Variants in IQSEC1 observed in about 807,000 individuals in gnomAD.
IQSEC1 encodes IQ motif and Sec7 domain ArfGEF 1.
A neutral mutation model predicts 91.0 loss-of-function variants in IQSEC1; 31 were observed. The ratio of observed to expected loss-of-function variants is 0.34; its 90% CI spans 0.26 to 0.46. IQSEC1 has a LOEUF of 0.46. IQSEC1 is among the 20% of genes least tolerant of loss of function. IQSEC1 has a pLI of 1.00. For missense variants in IQSEC1, 1,388 were observed against 1,575.6 expected, an observed-to-expected ratio of 0.88 and a Z score of 2.02; for synonymous variants, 699 against 662.6, an observed-to-expected ratio of 1.05 and a Z score of -0.84.
chr3:13,125,621 C>A (rs1706500483), intron 2 of IQSEC1, among the ~76,000 whole-genome samples: 1 of 152,218 alleles, frequency 6.6e-6, no homozygotes, highest in Admixed American at 6.5e-5. Flanking sequence ...TGTCCTTGTC[C>A]CTGGACAGCC....
rs992576324 is a variant in IQSEC1, at chr3:12,898,087, T to G, written c.*2896A>C. 4 of 152,244 alleles carry G rather than the reference T, an allele frequency of 2.6e-5. No homozygotes were observed. Among genetic ancestry groups the G allele is most frequent in the African/African-American group, 9.6e-5 (4 of 41,452 alleles). The allele number at this position is 152,244 out of a possible 1,614,324, so 9.4% of individuals were successfully genotyped here. On this transcript the variant is annotated 3_prime_UTR_variant, in exon 14 of 14. Transcript: ENST00000613206. ...TGAGAAAGGTGTGCCAAGGGCGTCC[T>G]CACAGTGAGAAGGGACCAGGCAGAC...
chr3:13,165,109 T>G (rs1693461430), intron 1 of IQSEC1, among the ~76,000 whole-genome samples: 1 of 152,184 alleles, frequency 6.6e-6, no homozygotes, highest in Non-Finnish European at 1.5e-5. Context: ...CCCAGCCTGG[T>G]CGCGCTCACC....
chr3:12,936,753 T>C (rs1476855402), intron 2 of IQSEC1, 56 bp from the exon 3 acceptor site: 2 of 1,454,520 alleles, frequency 1.4e-6, no homozygotes, highest in Admixed American at 2.3e-5. Context: ...AGTGCGACAT[T>C]TACCAAACTC....
In IQSEC1 at chr3:12,924,816, T is replaced by G; in HGVS notation, c.1569-74A>C. 4.3e-6 allele frequency: 6 copies of G among 1,393,938 alleles called. No individual in the cohort carries two copies. The Admixed American group carries it at 1.4e-4, about 33-fold the overall frequency. The allele number at this position is 1,393,938 out of a possible 1,614,324, so 86.3% of individuals were successfully genotyped here. On this transcript the variant is annotated intron_variant, in intron 3 of 13. Transcript: ENST00000613206. This position sits in a 1 kb window ranked among gnomAD's most constrained non-coding sequence, Gnocchi z 6.3. ...CCAGGCACCTGGAGGGGATCTCCGCTCAGTGGACGGTCGACATTCTCCCTC... is the reference window on the plus strand; with the variant it reads ...CCAGGCACCTGGAGGGGATCTCCGCGCAGTGGACGGTCGACATTCTCCCTC...
intron 1 of IQSEC1, among the ~76,000 whole-genome samples, chr3:13,224,555 C>T (rs532926345): frequency 2.6e-5 from 4 of 152,222 alleles, no homozygotes; most frequent in Non-Finnish European, 4.4e-5. Context: ...CTGAAGCAGC[C>T]CCCTGAGAGC....
At chr3:12,977,906 G>A (rs942993195) in intron 1 of IQSEC1, among the ~76,000 whole-genome samples, 3 of 152,234 alleles carry the variant, frequency 2.0e-5, no homozygotes, top group African/African-American at 7.2e-5. Flanking sequence ...CATGTGTGAC[G>A]TGTGATTCAC....
chr3:12,911,616 G>A lies in IQSEC1; in HGVS notation c.2416+13C>T, dbSNP rs760947644. 2.1e-5 allele frequency: 34 copies of A among 1,596,534 alleles called. No homozygotes were observed. Among genetic ancestry groups the A allele is most frequent in the Admixed American group, 6.7e-5 (4 of 59,994 alleles). On this transcript the variant is annotated intron_variant, in intron 10 of 13. Coordinates refer to ENST00000613206, the MANE Select transcript of IQSEC1 (RefSeq NM_001134382.3). ...CATGCGCTCTTCCAGGCAGGCCCTG[G>A]GGGCAGACTTACACTGGTTCTCGAA...
chr3:13,257,184 A>G (rs964722405), intron 1 of IQSEC1, among the ~76,000 whole-genome samples: 5 of 152,192 alleles, frequency 3.3e-5, no homozygotes, highest in Non-Finnish European at 7.3e-5. Flanking sequence ...AGGATGGCAC[A>G]GAGACACACC....
intron 2 of IQSEC1, among the ~76,000 whole-genome samples, chr3:13,115,000 G>A (rs980505070): frequency 9.2e-5 from 14 of 152,162 alleles, no homozygotes; most frequent in African/African-American, 3.4e-4. Flanking sequence ...GAAGCCCCAG[G>A]CTGGGCAGTG....
intron 2 of IQSEC1, among the ~76,000 whole-genome samples, chr3:13,110,544 G>A (rs573797925): frequency 3.3e-5 from 5 of 152,268 alleles, no homozygotes; most frequent in South Asian, 4.2e-4. Flanking sequence ...AGCCGAGATC[G>A]CGCCATTGCA....
intron 2 of IQSEC1, among the ~76,000 whole-genome samples, chr3:13,091,578 C>A (rs1705862014): frequency 6.6e-6 from 1 of 152,188 alleles, no homozygotes; most frequent in Non-Finnish European, 1.5e-5. Context: ...ACTGCAGGAG[C>A]AGGGGCTGGG....
chr3:12,925,586 G>A (rs1407387419), intron 3 of IQSEC1, among the ~76,000 whole-genome samples: 1 of 152,234 alleles, frequency 6.6e-6, no homozygotes, highest in African/African-American at 2.4e-5. Context: ...AGCATTTCTA[G>A]CTGGAGGTCA....
intron 2 of IQSEC1, among the ~76,000 whole-genome samples, chr3:13,081,226 T>C (rs937154818): frequency 6.6e-6 from 1 of 152,230 alleles, no homozygotes; most frequent in Non-Finnish European, 1.5e-5. Flanking sequence ...CATCTCTGGG[T>C]GGCAGAATAA....
At chr3:13,158,435 G>C (rs941803543) in intron 2 of IQSEC1, among the ~76,000 whole-genome samples, 3 of 152,226 alleles carry the variant, frequency 2.0e-5, no homozygotes, top group African/African-American at 7.2e-5. Flanking sequence ...CCTTGGTATG[G>C]AGACAGAAAA....
At chr3:12,911,787 G>T in intron 9 of IQSEC1, 59 bp from the exon 10 acceptor site, 3 of 1,185,854 alleles carry the variant, frequency 2.5e-6, no homozygotes, top group East Asian at 4.7e-5. Context: ...TGACTATGTG[G>T]GACCTCTGGT....
chr3:13,159,602 G>A (rs1341398861), intron 2 of IQSEC1, among the ~76,000 whole-genome samples: 2 of 151,700 alleles, frequency 1.3e-5, no homozygotes, highest in East Asian at 3.9e-4. Flanking sequence ...TAGGCAAGCT[G>A]TTTTGTACTT....
chr3:13,154,438 C>CACATATATATAT (rs1277879413), intron 2 of IQSEC1, among the ~76,000 whole-genome samples: 1,847 of 20,746 alleles, frequency 0.089, 400 homozygotes, highest in East Asian at 0.11. Context: ...AACTTACATG[C>CACATATATATAT]ATATATATAT....
intron 1 of IQSEC1, among the ~76,000 whole-genome samples, chr3:12,972,353 G>A (rs1700947740): frequency 6.6e-6 from 1 of 151,958 alleles, no homozygotes; most frequent in Non-Finnish European, 1.5e-5. Flanking sequence ...AGGGACTGAA[G>A]GTCTTCTGAC....
At chr3:13,278,172 C>T (rs1485506748) in intron 1 of IQSEC1, among the ~76,000 whole-genome samples, 2 of 152,184 alleles carry the variant, frequency 1.3e-5, no homozygotes, top group Admixed American at 6.5e-5. Flanking sequence ...TTCAGAAAAA[C>T]GTCCTCTCCC....
Sources: gnomAD v4.1 joint callset for allele counts (sites outside exome capture counted in the v4.1 genomes callset) on GRCh38, gnomAD v4.1.1 for gene constraint, Gnocchi (gnomAD v3.1) non-coding constraint, MANE v1.5 for transcripts, NCBI Gene and HGNC (gene_info 2026-07-23, HGNC 2026-07-21) for gene names.